The following MAP4 variants were observed in gnomAD, a reference collection of about 807,000 sequenced individuals.
The protein encoded by MAP4 is microtubule associated protein 4.
In MAP4, 76 loss-of-function variants were observed where a neutral mutation model predicts 170.2. The observed-to-expected ratio is 0.45, with a 90% CI of 0.37 to 0.54. The LOEUF (loss-of-function observed/expected upper bound fraction) is 0.54, where lower values mean the gene tolerates loss of function less well. Among genes scored for constraint, MAP4 ranks in the 20% least tolerant of loss-of-function variants. The probability of loss-of-function intolerance (pLI) is 0.00; values close to 1 mark genes in which losing one functional copy is unlikely to be tolerated. For synonymous variants in MAP4, 909 were observed against 994.5 expected, an observed-to-expected ratio of 0.91 and a Z score of 1.62; for missense variants, 2,506 against 2,748.0, an observed-to-expected ratio of 0.91 and a Z score of 1.97.
chr3:47,853,118 T>G, intron 20 of MAP4, 45 bp downstream of exon 20: 1 of 1,612,142 alleles, frequency 6.2e-7, no homozygotes, highest in Non-Finnish European at 8.5e-7. Context: ...TTGCGGCCAG[T>G]GGCAGGGCCC....
Position 47,911,665 on chromosome 3 carries a change from A to G in MAP4, c.2756T>C (p.Val919Ala). Residue 919 changes from valine (V) to alanine (A), a missense_variant, in exon 9 of 21, where the codon GTA (valine) becomes GCA (alanine). Val to Ala is a moderately conservative substitution (Grantham distance 64). Transcript: ENST00000683076. The surrounding 1 kb of genome is among the most constrained non-coding windows in gnomAD (Gnocchi z 4.0). ...LKTPVDKSQS[V>A]GPLNLKGPLA... ...GGGTCCTTTCAGATTGAGAGGGCCTACTGACTGGCTTTTATCTACAGGAGT... is the reference window on the plus strand; with the variant it reads ...GGGTCCTTTCAGATTGAGAGGGCCTGCTGACTGGCTTTTATCTACAGGAGT... The G allele has an allele frequency of 1.3e-6, 2 of 1,535,994 alleles. No individual in the cohort carries two copies. Among genetic ancestry groups the G allele is most frequent in the Non-Finnish European group, 1.7e-6 (2 of 1,146,808 alleles).
rs540048033 is a variant in MAP4 at position 47,862,116 on chromosome 3, G to A, written c.6502-4604C>T. Among the ~76,000 whole-genome samples the A allele has an allele frequency of 2.8e-3, 397 of 139,554 alleles. 1 individual carries two copies. Among genetic ancestry groups the A allele is most frequent in the Non-Finnish European group, 5.0e-3 (328 of 65,342 alleles). The allele number at this position is 139,554 out of a possible 152,430, so 91.6% of individuals were successfully genotyped here. On this transcript the variant is annotated intron_variant, in intron 17 of 20. Coordinates refer to ENST00000683076, the MANE Select transcript of MAP4 (RefSeq NM_001385682.1). ...GCGGAGGTTTCAGTGAGCCGAGATC[G>A]CGCCACTGCACTCCAGTCTGGGTGA...
In MAP4 at chr3:47,912,437, A is replaced by G; in HGVS notation, c.2000-16T>C. 1 of 1,457,238 alleles carries G rather than the reference A, an allele frequency of 6.9e-7. No individual in the cohort carries two copies. Among genetic ancestry groups the G allele is most frequent in the Non-Finnish European group, 9.0e-7 (1 of 1,108,518 alleles). The allele number at this position is 1,457,238 out of a possible 1,614,324, so 90.3% of individuals were successfully genotyped here. On this transcript the variant is annotated splice_polypyrimidine_tract_variant and intron_variant, in intron 8 of 20. Transcript: ENST00000683076. ...ATGAAGTTGGCTAAAATTCCAAACAAAAAACTCCTCGTTATTGTTTCTTAA... is the reference window on the plus strand; with the variant it reads ...ATGAAGTTGGCTAAAATTCCAAACAGAAAACTCCTCGTTATTGTTTCTTAA...
chr3:48,065,961 CA>C (rs1315091098), intron 1 of MAP4, among the ~76,000 whole-genome samples: 4 of 151,276 alleles, frequency 2.6e-5, no homozygotes, highest in Non-Finnish European at 5.9e-5. Context: ...TCTACAAAAA[CA>C]ACAAAAAAAG....
rs2100042995 is a variant in MAP4 at position 47,921,784 on chromosome 3, A to G, written c.510T>C (p.Asp170=). The change falls in exon 5 of 21, where the codon GAT becomes GAC. Residue 170 remains aspartate (D), a synonymous_variant. Transcript: ENST00000683076. ...ADTSIFAGQN[D]PLKDSYGMSP... is the part of the protein sequence containing the mutation. ...CCATACCGTAACTGTCTTTCAAGGG[A>G]TCATTTTGTCCTGCAAATATTGAAG... is the stretch of plus-strand genomic sequence containing the variant. 2 of 1,607,216 alleles carry G rather than the reference A, an allele frequency of 1.2e-6. No homozygotes were observed. The highest frequency in any genetic ancestry group is 1.7e-6 in the Non-Finnish European group (2 of 1,173,762).
At chr3:48,031,529 C>T (rs1027409040) in intron 1 of MAP4, among the ~76,000 whole-genome samples, 7 of 151,854 alleles carry the variant, frequency 4.6e-5, no homozygotes, top group East Asian at 1.9e-4. Flanking sequence ...CCAGCCTGGG[C>T]GACAGAGCAA....
intron 10 of MAP4, chr3:47,891,164 G>C: frequency 6.5e-7 from 1 of 1,536,196 alleles, no homozygotes; most frequent in Non-Finnish European, 8.7e-7. Flanking sequence ...ATCAATTCTA[G>C]TTTCACTAAA....
chr3:47,869,660 C>T (rs1230995172), intron 15 of MAP4, among the ~76,000 whole-genome samples: 1 of 152,074 alleles, frequency 6.6e-6, no homozygotes, highest in Non-Finnish European at 1.5e-5. Flanking sequence ...TTTCCAATTA[C>T]AATACCCCCC....
Position 47,909,420 on chromosome 3 carries a change from A to C in MAP4, c.5001T>G (p.Asn1667Lys). Residue 1667 changes from asparagine to lysine, a missense_variant, in exon 9 of 21, where the codon AAT (asparagine) becomes AAG (lysine). Physicochemically the swap from Asn to Lys is moderately conservative, Grantham distance 94. Transcript: ENST00000683076. Reference protein sequence around the residue: ...DLTLLSPKSENDKLKEISLAC... With the variant: ...DLTLLSPKSEKDKLKEISLAC... The stretch of plus-strand genomic sequence containing the variant: ...CCAGACTAATTTCTTTCAATTTATC[A>C]TTTTCACTTTTTGGAGACAAAAGAG... 6.2e-7 allele frequency: 1 copy of C among 1,613,382 alleles called. No homozygotes were observed. The highest frequency in any genetic ancestry group is 8.5e-7 in the Non-Finnish European group (1 of 1,179,530).
At chr3:48,004,391 TA>T (rs1375041295) in intron 1 of MAP4, among the ~76,000 whole-genome samples, 1 of 152,194 alleles carries the variant, frequency 6.6e-6, no homozygotes, top group Non-Finnish European at 1.5e-5. Flanking sequence ...CTATACATAA[TA>T]CCTTTGACCA....
chr3:48,061,197 C>T (rs1579690806), intron 1 of MAP4, among the ~76,000 whole-genome samples: 2 of 150,918 alleles, frequency 1.3e-5, no homozygotes, highest in Admixed American at 1.3e-4. Flanking sequence ...CCTCCCCCTC[C>T]CCCTCTCCCT....
At chr3:48,075,028 GC>G (rs763211546) in intron 1 of MAP4, among the ~76,000 whole-genome samples, 7 of 152,136 alleles carry the variant, frequency 4.6e-5, no homozygotes, top group South Asian at 2.1e-4. Flanking sequence ...AAATGGAAAT[GC>G]CAAGGATCCA....
chr3:47,936,402 A>G (rs1424757126), intron 3 of MAP4, among the ~76,000 whole-genome samples: 14 of 151,880 alleles, frequency 9.2e-5, no homozygotes, highest in Admixed American at 9.2e-4. Context: ...ACTGTACTCT[A>G]GCCTGGGCAA....
At chr3:48,044,166 T>C (rs945207701) in intron 1 of MAP4, among the ~76,000 whole-genome samples, 2 of 148,922 alleles carry the variant, frequency 1.3e-5, no homozygotes, top group African/African-American at 2.5e-5. Context: ...TTTTTTGTTT[T>C]TGTTTTTTGA....
chr3:47,922,977 G>A (rs2100043825), intron 4 of MAP4, among the ~76,000 whole-genome samples: 3 of 152,174 alleles, frequency 2.0e-5, no homozygotes, highest in African/African-American at 4.8e-5. Flanking sequence ...TTGAACACGG[G>A]AGGCAGAGGT....
rs1284084421 is a variant in MAP4, at chr3:47,853,224, G to A, written c.6825C>T (p.Thr2275=). 6.3e-7 allele frequency: 1 copy of A among 1,582,066 alleles called. No homozygotes were observed. The highest frequency in any genetic ancestry group is 1.2e-5 in the South Asian group (1 of 86,664). ...TSASGLNGHP[T]LSGGGDQREA... ...CCCTTTGGTCACCACCCCCTGACAG[G>A]GTGGGGTGGCCATTGAGGCCACTGG... Residue 2275 remains threonine (T), a synonymous_variant, in exon 20 of 21, where the codon ACC becomes ACT. Transcript: ENST00000683076.
intron 1 of MAP4, among the ~76,000 whole-genome samples, chr3:48,082,417 A>G (rs182452566): frequency 8.6e-4 from 131 of 152,360 alleles, no homozygotes; most frequent in Middle Eastern, 3.4e-3. Context: ...GAATATGGAT[A>G]TGACTTGGTG....
chr3:47,921,722 T>G (rs751322312), intron 5 of MAP4, 43 bp downstream of exon 5: 5 of 1,224,228 alleles, frequency 4.1e-6, no homozygotes, highest in Admixed American at 1.8e-5. Flanking sequence ...AGAAAAAATT[T>G]TTTTCCTTCC....
chr3:47,928,176 C>T (rs2100047126), intron 4 of MAP4, 52 bp downstream of exon 4: 2 of 1,600,940 alleles, frequency 1.2e-6, no homozygotes, highest in Non-Finnish European at 1.7e-6. Context: ...GTAGCTTTTT[C>T]ACATTTATGT....
Sources: allele counts gnomAD v4.1 joint callset (sites outside exome capture counted in the v4.1 genomes callset), GRCh38; gene constraint gnomAD v4.1.1; non-coding constraint Gnocchi (gnomAD v3.1); transcripts MANE v1.5; gene names NCBI Gene and HGNC (gene_info 2026-07-23, HGNC 2026-07-21).